NCK2: variants seen among roughly 807,000 people sequenced by gnomAD.
NCK2 encodes NCK adaptor protein 2.
In NCK2, 16 loss-of-function variants were observed where a neutral mutation model predicts 33.9. That is an observed-to-expected ratio of 0.47 (90% CI 0.32 to 0.72). NCK2 has a LOEUF of 0.72. Among genes scored for constraint, NCK2 ranks in the 30% least tolerant of loss-of-function variants. The pLI is 0.03. For synonymous variants in NCK2, 273 were observed against 239.9 expected (o/e 1.14, Z -1.27); for missense variants, 418 against 537.3 (o/e 0.78, Z 2.19).
intron 2 of NCK2, among the ~76,000 whole-genome samples, chr2:105,823,475 T>C (rs1675826487): frequency 6.6e-6 from 1 of 151,960 alleles, no homozygotes; most frequent in Admixed American, 6.6e-5. Flanking sequence ...CGGTTGACTT[T>C]TATTATAACT....
chr2:105,838,564 C>T (rs1022104557), intron 2 of NCK2, among the ~76,000 whole-genome samples: 59 of 152,202 alleles, frequency 3.9e-4, no homozygotes, highest in African/African-American at 1.3e-3. Context: ...TTATGGCTCC[C>T]ATATGAATAA....
chr2:105,870,255 C>A (rs1443848774), intron 3 of NCK2, among the ~76,000 whole-genome samples: 1 of 152,236 alleles, frequency 6.6e-6, no homozygotes, highest in East Asian at 1.9e-4. Context: ...GAGCAGCCAG[C>A]TGGAGGCTGA....
chr2:105,768,277 C>T lies in NCK2; in HGVS notation c.-201+23139C>T, dbSNP rs935962906. 3.2e-4 allele frequency among the ~76,000 whole-genome samples: 49 copies of T among 152,178 alleles called. 1 individual carries two copies. Among genetic ancestry groups the T allele is most frequent in the South Asian group, 2.1e-4 (1 of 4,834 alleles). On this transcript the variant is annotated intron_variant, in intron 1 of 4. Coordinates refer to ENST00000233154, the MANE Select transcript of NCK2 (RefSeq NM_003581.5). ...CACCACCCCTTGAGTGCTCAGTGGC[C>T]GCGTGTGGCCGGTGGCTGTGTTATC...
intron 4 of NCK2, among the ~76,000 whole-genome samples, chr2:105,889,074 G>A (rs1678851686): frequency 6.6e-6 from 1 of 152,248 alleles, no homozygotes; most frequent in Admixed American, 6.5e-5. Flanking sequence ...TGCAACAGAT[G>A]AGAATAGGAC....
rs550841488 is a variant in NCK2 at position 105,842,753 on chromosome 2, G to T, written c.-16-12295G>T. ...ACTGCAGGTGGGCTCTGGGAGGCCT[G>T]ACTGGGTTGGGGACAGTGAATGCAG... is the stretch of plus-strand genomic sequence containing the variant. On this transcript the variant is annotated intron_variant, in intron 2 of 4. Coordinates refer to ENST00000233154, the MANE Select transcript of NCK2 (RefSeq NM_003581.5). Among the ~76,000 whole-genome samples, 101 of 152,338 alleles carry T rather than the reference G, an allele frequency of 6.6e-4. 1 individual carries two copies. Among genetic ancestry groups the T allele is most frequent in the African/African-American group, 2.2e-3 (93 of 41,576 alleles).
At chr2:105,832,372 G>A (rs565056811) in intron 2 of NCK2, among the ~76,000 whole-genome samples, 4 of 152,242 alleles carry the variant, frequency 2.6e-5, no homozygotes, top group East Asian at 1.9e-4. Flanking sequence ...AATAAGAGTC[G>A]TGAAGGAATA....
rs138136516 is a variant in NCK2, at chr2:105,776,029, G to T, written c.-201+30891G>T. Reference sequence around the variant, plus strand: ...CACCTGGGAAATAATTTGAAAAAATGTCCCCCTTGTATTTTGGTTTGGCCC... The same window carrying T: ...CACCTGGGAAATAATTTGAAAAAATTTCCCCCTTGTATTTTGGTTTGGCCC... On this transcript the variant is annotated intron_variant, in intron 1 of 4. Coordinates refer to ENST00000233154, the MANE Select transcript of NCK2 (RefSeq NM_003581.5). Among the ~76,000 whole-genome samples, 235 of 152,304 alleles carry T rather than the reference G, an allele frequency of 1.5e-3. 1 individual carries two copies. Among genetic ancestry groups the T allele is most frequent in the African/African-American group, 5.2e-3 (218 of 41,574 alleles).
At chr2:105,790,937 C>T (rs1690858437) in intron 1 of NCK2, among the ~76,000 whole-genome samples, 3 of 152,148 alleles carry the variant, frequency 2.0e-5, no homozygotes, top group Admixed American at 2.0e-4. Context: ...TCCAACCCCT[C>T]CCCTTTATAT....
intron 1 of NCK2, among the ~76,000 whole-genome samples, chr2:105,795,215 A>G (rs1691035871): frequency 6.6e-6 from 1 of 152,228 alleles, no homozygotes; most frequent in South Asian, 2.1e-4. Context: ...TGCGTTGTGC[A>G]TTCCATGGGT....
intron 1 of NCK2, among the ~76,000 whole-genome samples, chr2:105,753,725 A>G (rs562422204): frequency 6.6e-6 from 1 of 152,228 alleles, no homozygotes; most frequent in Admixed American, 6.5e-5. Flanking sequence ...TTTTTCCTTA[A>G]TGAGTTGCTG....
chr2:105,840,573 T>G (rs1676605344), intron 2 of NCK2, among the ~76,000 whole-genome samples: 1 of 152,190 alleles, frequency 6.6e-6, no homozygotes, highest in Non-Finnish European at 1.5e-5. Flanking sequence ...TCCCATAGTT[T>G]GGGGACTCAG....
chr2:105,815,734 G>C (rs1379156445), intron 1 of NCK2, among the ~76,000 whole-genome samples: 1 of 152,204 alleles, frequency 6.6e-6, no homozygotes, highest in Non-Finnish European at 1.5e-5. Flanking sequence ...TCCGGTTGGT[G>C]GCTTCTCAAC....
intron 4 of NCK2, among the ~76,000 whole-genome samples, 187 bp from the exon 5 acceptor site, chr2:105,892,795 G>A (rs1394640942): frequency 2.7e-5 from 4 of 150,072 alleles, no homozygotes; most frequent in Non-Finnish European, 5.9e-5. Context: ...GCAGTGAGCC[G>A]AGATTGGGCC....
At chr2:105,774,177 T>G (rs1019704859) in intron 1 of NCK2, among the ~76,000 whole-genome samples, 1 of 151,854 alleles carries the variant, frequency 6.6e-6, no homozygotes, top group African/African-American at 2.4e-5. Flanking sequence ...CCCAGCTAAT[T>G]TTTGTATTTT....
At chr2:105,786,050 A>G (rs1481617427) in intron 1 of NCK2, among the ~76,000 whole-genome samples, 2 of 152,014 alleles carry the variant, frequency 1.3e-5, no homozygotes, top group Non-Finnish European at 2.9e-5. Context: ...CTTCTGCCTT[A>G]TTTGCCTTAT....
chr2:105,813,396 T>TA (rs1675362968), intron 1 of NCK2, among the ~76,000 whole-genome samples: 1 of 152,198 alleles, frequency 6.6e-6, no homozygotes, highest in East Asian at 1.9e-4. Context: ...CCAGTGGTAT[T>TA]ATGTCCACAA....
At chr2:105,878,250 C>T (rs372366423) in intron 3 of NCK2, among the ~76,000 whole-genome samples, 3 of 152,220 alleles carry the variant, frequency 2.0e-5, no homozygotes, top group East Asian at 1.9e-4. Context: ...ATCAGCTGAA[C>T]GCTGGTGCCT....
At chr2:105,789,659 A>G (rs1330474324) in intron 1 of NCK2, among the ~76,000 whole-genome samples, 2 of 152,212 alleles carry the variant, frequency 1.3e-5, no homozygotes, top group Non-Finnish European at 2.9e-5. Context: ...GCTGTAAAGC[A>G]CTTATTGTCC....
intron 2 of NCK2, among the ~76,000 whole-genome samples, chr2:105,830,308 A>G (rs1320086924): frequency 6.6e-6 from 1 of 152,132 alleles, no homozygotes; most frequent in Non-Finnish European, 1.5e-5. Context: ...CACGTGAGTG[A>G]GAACTCTGGT....
Sources: gnomAD v4.1 joint callset for allele counts (sites outside exome capture counted in the v4.1 genomes callset) on GRCh38, gnomAD v4.1.1 for gene constraint, MANE v1.5 for transcripts, NCBI Gene and HGNC (gene_info 2026-07-23, HGNC 2026-07-21) for gene names.